Variants in SH3TC1 observed in about 807,000 individuals in gnomAD.
SH3TC1 encodes SH3 domain and tetratricopeptide repeats 1.
Under a neutral mutation model 117.3 loss-of-function variants are expected in SH3TC1, and 135 were observed. That is an observed-to-expected ratio of 1.15 (90% confidence interval 1.00 to 1.33). The LOEUF (loss-of-function observed/expected upper bound fraction) is 1.33, where lower values mean the gene tolerates loss of function less well. SH3TC1 is among the 40% of genes most tolerant of loss of function. The pLI is 0.00. For missense variants in SH3TC1, 2,092 were observed against 1,794.3 expected (o/e 1.17, Z -3.00); for synonymous variants, 898 against 816.9 (o/e 1.10, Z -1.69).
At chr4:8,214,368 C>T (rs539356569) in intron 4 of SH3TC1, 107 bp from the exon 5 acceptor site, 58 of 1,015,560 alleles carry the variant, frequency 5.7e-5, no homozygotes, top group South Asian at 4.3e-4. Context: ...TGTCGTCCCC[C>T]GCCGGGGCCA....
intron 14 of SH3TC1, among the ~76,000 whole-genome samples, chr4:8,233,903 T>C (rs1315985584): frequency 1.3e-5 from 2 of 148,898 alleles, no homozygotes; most frequent in African/African-American, 2.5e-5. Context: ...CCATCATCCA[T>C]CCATCCATCA....
At position 8,206,440 on chromosome 4, in the gene SH3TC1, A is replaced by C. The variant is rs1718215346; in HGVS notation, c.172+1074A>C. Among the ~76,000 whole-genome samples the C allele has an allele frequency of 6.6e-6, 1 of 152,104 alleles. No individual in the cohort carries two copies. The highest frequency in any genetic ancestry group is 2.4e-5 in the African/African-American group (1 of 41,428). ...AGTGCACAAGGAGACTGAGACGCGC[A>C]GGAGGGCCCTGGCCAGCCTCCCACA... On this transcript the variant is annotated intron_variant, in intron 2 of 17. Coordinates refer to ENST00000245105, the MANE Select transcript of SH3TC1 (RefSeq NM_018986.5). The surrounding 1 kb of genome is among the most constrained non-coding windows in gnomAD (Gnocchi z 5.5).
intron 9 of SH3TC1, among the ~76,000 whole-genome samples, chr4:8,220,199 C>A (rs1000523138): frequency 6.6e-6 from 1 of 152,202 alleles, no homozygotes; most frequent in Non-Finnish European, 1.5e-5. Flanking sequence ...CCAGTACACA[C>A]GTCGCTCTCC....
At chr4:8,211,798 C>T (rs988688537) in intron 3 of SH3TC1, among the ~76,000 whole-genome samples, 9 of 152,192 alleles carry the variant, frequency 5.9e-5, no homozygotes, top group African/African-American at 2.2e-4. Context: ...CTCCACAGCC[C>T]CCGTGGCAGG....
intron 9 of SH3TC1, among the ~76,000 whole-genome samples, chr4:8,222,050 C>T (rs547096410): frequency 6.6e-6 from 1 of 152,290 alleles, no homozygotes; most frequent in South Asian, 2.1e-4. Flanking sequence ...CTCTCCCTCT[C>T]TCTCTGTTTC....
chr4:8,183,344 C>T lies in SH3TC1; in HGVS notation c.-57+1134C>T, dbSNP rs903282478. On this transcript the variant is annotated intron_variant, in intron 1 of 16. Coordinates refer to the SH3TC1 transcript ENST00000508641. This position sits in a 1 kb window ranked among gnomAD's most constrained non-coding sequence, Gnocchi z 5.4. Reference sequence around the variant, plus strand: ...AGGATGCCCTTCCAAAGCCCTGCCTCGGTTTCCTGGTGCTGTGGGAACAAT... The same window carrying T: ...AGGATGCCCTTCCAAAGCCCTGCCTTGGTTTCCTGGTGCTGTGGGAACAAT... 2.0e-5 allele frequency among the ~76,000 whole-genome samples: 3 copies of T among 152,326 alleles called. No homozygotes were observed. The highest frequency in any genetic ancestry group is 1.5e-5 in the Non-Finnish European group (1 of 68,016).
rs747140382 is a variant in SH3TC1 at position 8,222,940 on chromosome 4, G to A, written c.1213G>A (p.Gly405Ser). 2.5e-6 allele frequency: 4 copies of A among 1,612,578 alleles called. No individual in the cohort carries two copies. In the African/African-American group the frequency reaches 5.3e-5, roughly 22 times the overall value. Residue 405 changes from glycine to serine, a missense_variant, in exon 10 of 18, where the codon GGC (glycine) becomes AGC (serine). Gly to Ser is a moderately conservative substitution (Grantham distance 56). Coordinates refer to ENST00000245105, the MANE Select transcript of SH3TC1 (RefSeq NM_018986.5). ...DARQLLRRMSGTDVCSVYSLD... is the reference protein window; with the variant it reads ...DARQLLRRMSSTDVCSVYSLD... ...CAGGCAGTTGCTGAGGCGGATGTCG[G>A]GCACCGATGTCTGCAGCGTGTACAG...
At chr4:8,195,918 G>T (rs1022493960), upstream of SH3TC1, among the ~76,000 whole-genome samples, 1 of 152,184 alleles carries the variant, frequency 6.6e-6, no homozygotes, top group Non-Finnish European at 1.5e-5. Flanking sequence ...GCCCCTTGGG[G>T]CCATCATCTG....
chr4:8,207,020 C>T (rs376508611), intron 2 of SH3TC1, among the ~76,000 whole-genome samples: 1 of 151,630 alleles, frequency 6.6e-6, no homozygotes, highest in African/African-American at 2.4e-5. Flanking sequence ...AACACCATCA[C>T]CTCATCTACA....
chr4:8,212,426 G>T (rs915881513), intron 3 of SH3TC1, among the ~76,000 whole-genome samples: 2 of 152,204 alleles, frequency 1.3e-5, no homozygotes, highest in East Asian at 1.9e-4. Context: ...TGCCGGCCTG[G>T]CCTGCAGGGG....
At position 8,227,076 on chromosome 4, in the gene SH3TC1, A is replaced by G. The variant is rs1375776687; in HGVS notation, c.1382A>G (p.Gln461Arg). Residue 461 changes from glutamine to arginine, a missense_variant, in exon 12 of 18, where the codon CAG becomes CGG. Transcript: ENST00000245105. ...TGCAAGACCTGCCCAGGCTGCCCCC[A>G]GGAGCCAGCGTCCTGGGGTCTCTGT... ...EQCKTCPGCP[Q>R]EPASWGLCAA... The G allele has an allele frequency of 6.2e-7, 1 of 1,610,968 alleles. No individual in the cohort carries two copies. Among genetic ancestry groups the G allele is most frequent in the South Asian group, 1.1e-5 (1 of 90,860 alleles).
intron 1 of SH3TC1, among the ~76,000 whole-genome samples, chr4:8,203,326 G>T (rs555063099): frequency 6.6e-6 from 1 of 152,108 alleles, no homozygotes; most frequent in South Asian, 2.1e-4. Flanking sequence ...GAATTGCCTA[G>T]CCCCTCAGAG....
In SH3TC1 at chr4:8,227,880, G is replaced by C. The variant is rs769035960; in HGVS notation, c.2186G>C (p.Cys729Ser). 5.0e-6 allele frequency: 8 copies of C among 1,612,718 alleles called. No individual in the cohort carries two copies. The Middle Eastern group carries it at 9.9e-4, about 199-fold the overall frequency. Residue 729 changes from cysteine (C) to serine (S), a missense_variant, in exon 12 of 18, where the codon TGT becomes TCT. By Grantham distance (112) the Cys-to-Ser change is moderately radical. Coordinates refer to ENST00000245105, the MANE Select transcript of SH3TC1 (RefSeq NM_018986.5). ...TGCCTGCCCCACCTGGTGCTGAGCT[G>C]TGTCAAGGTGGCCTCATTGCGGACA... is the stretch of plus-strand genomic sequence containing the variant. Reference protein sequence around the residue: ...RKCLPHLVLSCVKVASLRTRG... With the variant: ...RKCLPHLVLSSVKVASLRTRG...
chr4:8,191,913 C>T (rs965091495), intron 1 of SH3TC1, among the ~76,000 whole-genome samples: 14 of 152,174 alleles, frequency 9.2e-5, no homozygotes, highest in East Asian at 3.9e-4. Flanking sequence ...AGCTGGGGTC[C>T]GGCCGGGCTG....
In SH3TC1 at chr4:8,235,516, C is replaced by T. The variant is rs778880086; in HGVS notation, c.3366C>T (p.Asp1122=). The T allele has an allele frequency of 6.2e-5, 99 of 1,606,276 alleles. No homozygotes were observed. Among genetic ancestry groups the T allele is most frequent in the East Asian group, 3.4e-4 (15 of 44,570 alleles). The change falls in exon 15 of 18, where the codon GAC becomes GAT. Residue 1122 remains aspartate (D), a synonymous_variant. Transcript: ENST00000245105. ...AGGCGGCTGGAGACATCTTCTTCGA[C>T]GGGGCCTGGGAGCGGGAGAAAGCTG... ...LFEAAGDIFF[D]GAWEREKAVS...
Position 8,205,175 on chromosome 4 carries a change from ATG to A in SH3TC1, c.-17_-16del. The A allele has an allele frequency of 6.7e-7, 1 of 1,495,926 alleles. No homozygotes were observed. Among genetic ancestry groups the A allele is most frequent in the South Asian group, 1.3e-5 (1 of 74,750 alleles). The allele number at this position is 1,495,926 out of a possible 1,614,324, so 92.7% of individuals were successfully genotyped here. ...ACCCCCTCTGTCCACAGGGCCAGGC[ATG>A]TGAGGTCTCTGCGGGTCATGGAGAA... On this transcript the variant is annotated 5_prime_UTR_variant, in exon 2 of 18. An upstream open reading frame in the 5' UTR loses its in-frame stop. Transcript: ENST00000245105. The surrounding 1 kb of genome is among the most constrained non-coding windows in gnomAD (Gnocchi z 5.4).
At chr4:8,195,886 C>G (rs1717544257), upstream of SH3TC1, among the ~76,000 whole-genome samples, 1 of 152,198 alleles carries the variant, frequency 6.6e-6, no homozygotes, top group African/African-American at 2.4e-5. Context: ...TCTTGGGCGC[C>G]AACTCCCCAC....
intron 1 of SH3TC1, among the ~76,000 whole-genome samples, chr4:8,187,676 C>A (rs914931073): frequency 1.3e-5 from 2 of 151,788 alleles, no homozygotes; most frequent in Non-Finnish European, 1.5e-5. Flanking sequence ...GGCAGCTGCC[C>A]GAGTAGCTGG....
At chr4:8,204,210 C>T (rs1030942384) in intron 1 of SH3TC1, among the ~76,000 whole-genome samples, 29 of 152,142 alleles carry the variant, frequency 1.9e-4, no homozygotes, top group Non-Finnish European at 3.7e-4. Flanking sequence ...AGCAAGGGGA[C>T]GAGTCCACGC....
Sources: allele counts gnomAD v4.1 joint callset (sites outside exome capture counted in the v4.1 genomes callset), GRCh38; gene constraint gnomAD v4.1.1; non-coding constraint Gnocchi (gnomAD v3.1); transcripts MANE v1.5; gene names NCBI Gene and HGNC (gene_info 2026-07-23, HGNC 2026-07-21).